Variants in GPR158 observed in about 807,000 individuals in gnomAD.
The protein encoded by GPR158 is metabotropic glycine receptor.
GPR158 carries 30 observed loss-of-function variants against 78.2 expected under a neutral mutation model. The observed-to-expected ratio is 0.38, with a 90% CI of 0.29 to 0.52. The LOEUF is 0.52. Among genes scored for constraint, GPR158 ranks in the 20% least tolerant of loss-of-function variants. The probability of loss-of-function intolerance (pLI) is 0.83; values close to 1 mark genes in which losing one functional copy is unlikely to be tolerated. For missense variants in GPR158, 1,463 were observed against 1,523.5 expected (o/e 0.96, Z 0.66); for synonymous variants, 581 against 591.1 (o/e 0.98, Z 0.25).
intron 2 of GPR158, among the ~76,000 whole-genome samples, chr10:25,362,289 C>T (rs1481177959): frequency 6.6e-6 from 1 of 151,864 alleles, no homozygotes; most frequent in Non-Finnish European, 1.5e-5. Flanking sequence ...TATTTCTGGG[C>T]TCTCATCCTA....
intron 4 of GPR158, among the ~76,000 whole-genome samples, chr10:25,454,990 A>T (rs1835271698): frequency 6.6e-6 from 1 of 152,210 alleles, no homozygotes; most frequent in Admixed American, 6.5e-5. Context: ...GAGTTCTGAA[A>T]AATACCAAAA....
At chr10:25,209,249 G>A (rs996734437) in intron 1 of GPR158, among the ~76,000 whole-genome samples, 2 of 152,130 alleles carry the variant, frequency 1.3e-5, no homozygotes, top group Non-Finnish European at 2.9e-5. Context: ...TTTGACTACT[G>A]TTAGATCTAT....
At chr10:25,584,308 G>A (rs1340544051) in intron 7 of GPR158, among the ~76,000 whole-genome samples, 1 of 152,176 alleles carries the variant, frequency 6.6e-6, no homozygotes, top group Non-Finnish European at 1.5e-5. Flanking sequence ...CTAGTCTGAA[G>A]TTAATTATAC....
At chr10:25,192,743 AC>A (rs1852789735) in intron 1 of GPR158, among the ~76,000 whole-genome samples, 1 of 152,002 alleles carries the variant, frequency 6.6e-6, no homozygotes, top group African/African-American at 2.4e-5. Context: ...GCGCACATGT[AC>A]CCTAAAACTT....
chr10:25,208,738 C>T (rs1227295137), intron 1 of GPR158, among the ~76,000 whole-genome samples: 1 of 152,112 alleles, frequency 6.6e-6, no homozygotes, highest in Non-Finnish European at 1.5e-5. Context: ...AGGTCCCAAA[C>T]CTGCTTTCAC....
intron 2 of GPR158, among the ~76,000 whole-genome samples, chr10:25,310,635 G>C (rs987206043): frequency 2.0e-5 from 3 of 151,860 alleles, no homozygotes; most frequent in Non-Finnish European, 4.4e-5. Context: ...AGGGGTGTTT[G>C]TATTTTATCT....
Position 25,224,080 on chromosome 10 carries a change from G to A in GPR158, c.1008+2923G>A, listed in dbSNP as rs573030473. On this transcript the variant is annotated intron_variant, in intron 2 of 10. Transcript: ENST00000376351. ...TTTGTGAAGAAAATAATCTCTCAGT[G>A]AGTTTAGGTCTTCACAAGGTCTAGG... Among the ~76,000 whole-genome samples the A allele has an allele frequency of 6.6e-5, 10 of 152,214 alleles. No homozygotes were observed. In the East Asian group the frequency reaches 1.9e-3, roughly 29 times the overall value.
chr10:25,240,990 G>A (rs1216372077), intron 2 of GPR158, among the ~76,000 whole-genome samples: 3 of 152,142 alleles, frequency 2.0e-5, no homozygotes, highest in Non-Finnish European at 2.9e-5. Flanking sequence ...CTATTAAGAG[G>A]TTGAGGAAAG....
chr10:25,266,377 G>A (rs577543218), intron 2 of GPR158, among the ~76,000 whole-genome samples: 1 of 152,218 alleles, frequency 6.6e-6, no homozygotes, highest in East Asian at 1.9e-4. Flanking sequence ...TGCCTTTGTG[G>A]GCCCTTTACT....
At chr10:25,177,593 C>G (rs1163469330) in intron 1 of GPR158, among the ~76,000 whole-genome samples, 1 of 152,204 alleles carries the variant, frequency 6.6e-6, no homozygotes, top group African/African-American at 2.4e-5. Flanking sequence ...TGTCTTGGTA[C>G]TGCCATTTAC....
At chr10:25,468,230 T>C (rs1835451579) in intron 5 of GPR158, among the ~76,000 whole-genome samples, 1 of 152,092 alleles carries the variant, frequency 6.6e-6, no homozygotes, top group Non-Finnish European at 1.5e-5. Flanking sequence ...TCTGCTCATA[T>C]CTATCATGCA....
intron 2 of GPR158, among the ~76,000 whole-genome samples, chr10:25,234,188 G>A (rs539793156): frequency 2.0e-5 from 3 of 151,978 alleles, no homozygotes; most frequent in Non-Finnish European, 2.9e-5. Flanking sequence ...CCACTTCCTG[G>A]TTTCTGGACT....
At chr10:25,326,075 T>C (rs1855027042) in intron 2 of GPR158, among the ~76,000 whole-genome samples, 1 of 152,150 alleles carries the variant, frequency 6.6e-6, no homozygotes, top group African/African-American at 2.4e-5. Flanking sequence ...AAGGCCAGCA[T>C]CCATTAGCTA....
At chr10:25,395,817 T>C (rs1834356717) in intron 2 of GPR158, 94 bp from the exon 3 acceptor site, 1 of 559,924 alleles carries the variant, frequency 1.8e-6, no homozygotes, top group East Asian at 3.1e-5. Context: ...ATGTGTTAGT[T>C]TTCTGTTACC....
intron 7 of GPR158, among the ~76,000 whole-genome samples, chr10:25,584,527 TAAC>T (rs1837243004): frequency 6.6e-6 from 1 of 152,244 alleles, no homozygotes; most frequent in Non-Finnish European, 1.5e-5. Flanking sequence ...ATTAACCTGA[TAAC>T]TACTTTTCTT....
rs1032460813 is a variant in GPR158, at chr10:25,412,392, T to C, written c.1254T>C (p.Leu418=). 4.4e-5 allele frequency: 71 copies of C among 1,613,928 alleles called. No homozygotes were observed. The highest frequency in any genetic ancestry group is 6.0e-5 in the Non-Finnish European group (71 of 1,179,868). The change falls in exon 4 of 11, where the codon CTT becomes CTC. Residue 418 remains leucine (L), a synonymous_variant. Coordinates refer to ENST00000376351, the MANE Select transcript of GPR158 (RefSeq NM_020752.3). ...TCCAGGAAGATAAGTATTTACGACT[T>C]GCCATCATCTCCTTCCAAGCCCTGT... ...CFVQEDKYLR[L]AIISFQALCM...
rs754437743 is a variant in GPR158, at chr10:25,594,402, T to A, written c.1998+5T>A. ...GGGTTGCTTTTGATTCCAAAGGTATTCTTCTAATATTACTTTTTTTTTTGC... is the reference window on the plus strand; with the variant it reads ...GGGTTGCTTTTGATTCCAAAGGTATACTTCTAATATTACTTTTTTTTTTGC... On this transcript the variant is annotated splice_donor_5th_base_variant and intron_variant, in intron 9 of 10. Transcript: ENST00000376351. 1 of 1,326,872 alleles carries A rather than the reference T, an allele frequency of 7.5e-7. No homozygotes were observed. Among genetic ancestry groups the A allele is most frequent in the Non-Finnish European group, 1.1e-6 (1 of 938,506 alleles). The allele number at this position is 1,326,872 out of a possible 1,614,324, so 82.2% of individuals were successfully genotyped here. A position where few individuals can be genotyped will look rare whatever the true frequency, so the allele number is the denominator to read the frequency against.
intron 2 of GPR158, among the ~76,000 whole-genome samples, chr10:25,354,795 C>T (rs74743344): frequency 0.02 from 3,012 of 152,146 alleles, 109 homozygotes; most frequent in African/African-American, 0.068. Context: ...AAGACTTTAT[C>T]TGAAGGATAT....
At chr10:25,255,658 G>A (rs860329) in intron 2 of GPR158, among the ~76,000 whole-genome samples, 151,212 of 152,338 alleles carry the variant, frequency 0.99, 75,070 homozygotes, top group Middle Eastern at 1. Flanking sequence ...GCCCTCAGGA[G>A]ATGGCCATGT....
Sources: allele counts gnomAD v4.1 joint callset (sites outside exome capture counted in the v4.1 genomes callset), GRCh38; gene constraint gnomAD v4.1.1; transcripts MANE v1.5; gene names NCBI Gene and HGNC (gene_info 2026-07-23, HGNC 2026-07-21).